The following CD109 variants were observed in gnomAD, a reference collection of about 807,000 sequenced individuals.
The protein encoded by CD109 is CD109 molecule.
Under a neutral mutation model 165.8 loss-of-function variants are expected in CD109, and 149 were observed. That is an observed-to-expected ratio of 0.90 (90% confidence interval 0.79 to 1.03). The LOEUF is 1.03. Among genes scored for constraint, CD109 ranks in the 50% least tolerant of loss-of-function variants. The probability of loss-of-function intolerance (pLI) is 0.00; values close to 1 mark genes in which losing one functional copy is unlikely to be tolerated. For synonymous variants in CD109, 585 were observed against 592.1 expected, an observed-to-expected ratio of 0.99 and a Z score of 0.18; for missense variants, 1,712 against 1,677.8, an observed-to-expected ratio of 1.02 and a Z score of -0.36.
At chr6:73,806,250 A>T (rs912778678) in intron 24 of CD109, among the ~76,000 whole-genome samples, 1 of 152,060 alleles carries the variant, frequency 6.6e-6, no homozygotes, top group African/African-American at 2.4e-5. Flanking sequence ...TTCTCAGCAA[A>T]CTATCGCAAG....
At chr6:73,693,526 T>C (rs140582145), upstream of CD109, among the ~76,000 whole-genome samples, 256 of 152,278 alleles carry the variant, frequency 1.7e-3, 1 homozygote, top group African/African-American at 6.0e-3. Context: ...GCAAACCCAA[T>C]ATCTTATTGT....
At chr6:73,760,163 T>A (rs1377489805) in intron 7 of CD109, among the ~76,000 whole-genome samples, 1 of 151,940 alleles carries the variant, frequency 6.6e-6, no homozygotes, top group Non-Finnish European at 1.5e-5. Context: ...ATCCCAGCAC[T>A]TTGGGAGGCC....
Position 73,807,004 on chromosome 6 carries a change from G to A in CD109, c.3121G>A (p.Gly1041Ser). The change falls in exon 25 of 33, where the codon GGC (glycine) becomes AGC (serine). Residue 1041 changes from glycine to serine, a missense_variant. Transcript: ENST00000287097. ...GRVIHSELQGGNKSPVTLTAY... is the reference protein window; with the variant it reads ...GRVIHSELQGSNKSPVTLTAY... ...AGTGATTCATAGTGAGCTTCAAGGT[G>A]GCAATAAAAGTCCAGTAACACTTAC... The A allele has an allele frequency of 6.2e-7, 1 of 1,613,964 alleles. No individual in the cohort carries two copies. The highest frequency in any genetic ancestry group is 8.5e-7 in the Non-Finnish European group (1 of 1,179,964).
At chr6:73,740,590 C>G (rs1582086901) in intron 5 of CD109, among the ~76,000 whole-genome samples, 2 of 137,178 alleles carry the variant, frequency 1.5e-5, no homozygotes, top group African/African-American at 2.7e-5. Context: ...TTCTAGTTTT[C>G]TTTTCTTTCT....
chr6:73,690,411 G>GTT, the CD109 span, among the ~76,000 whole-genome samples: 2 of 151,730 alleles, frequency 1.3e-5, no homozygotes, highest in African/African-American at 4.8e-5. Flanking sequence ...TTTTTTGTTT[G>GTT]TTTTTTTGAG....
At chr6:73,794,957 C>A (rs1775104730) in intron 23 of CD109, among the ~76,000 whole-genome samples, 1 of 150,654 alleles carries the variant, frequency 6.6e-6, no homozygotes, top group Non-Finnish European at 1.5e-5. Flanking sequence ...TTAAGTGGTA[C>A]CAAGTGGTCT....
chr6:73,704,966 TTCATAAATGTCCCACC>T (rs1771210596), intron 2 of CD109, among the ~76,000 whole-genome samples: 5 of 152,304 alleles, frequency 3.3e-5, no homozygotes, highest in Admixed American at 3.3e-4. Flanking sequence ...CAGATGTCCA[TTCATAAATGTCCCACC>T]TCTGCTGACA....
intron 2 of CD109, among the ~76,000 whole-genome samples, chr6:73,707,962 T>TATATA (rs1771349408): frequency 7.9e-6 from 1 of 126,820 alleles, no homozygotes; most frequent in African/African-American, 3.3e-5. Context: ...ATTGTTATCT[T>TATATA]TATATATATA....
In CD109 at chr6:73,735,382, T is replaced by C. The variant is rs1280587649; in HGVS notation, c.508-1001T>C. 3.9e-5 allele frequency among the ~76,000 whole-genome samples: 6 copies of C among 152,184 alleles called. 1 individual carries two copies. The highest frequency in any genetic ancestry group is 4.4e-5 in the Non-Finnish European group (3 of 68,024). ...TTTGCGTTTCAGATGGATCACACTG[T>C]TGGCAGTGGGGAAGATGTATTGTAG... On this transcript the variant is annotated intron_variant, in intron 4 of 32. Coordinates refer to ENST00000287097, the MANE Select transcript of CD109 (RefSeq NM_133493.5).
intron 3 of CD109, among the ~76,000 whole-genome samples, chr6:73,728,591 A>G (rs1007473085): frequency 1.3e-5 from 2 of 152,192 alleles, no homozygotes; most frequent in African/African-American, 2.4e-5. Context: ...TGTATTTCCA[A>G]GTAAATTGCA....
the CD109 span, among the ~76,000 whole-genome samples, chr6:73,687,149 A>C: frequency 0.19 from 28,911 of 152,110 alleles, 3,369 homozygotes; most frequent in Non-Finnish European, 0.25. Flanking sequence ...TCTAACATTA[A>C]TTTTACATTT....
At chr6:73,780,016 G>GT (rs34783798) in intron 15 of CD109, among the ~76,000 whole-genome samples, 335 of 138,240 alleles carry the variant, frequency 2.4e-3, no homozygotes, top group Non-Finnish European at 3.1e-3. Context: ...TGCCTCTTCA[G>GT]TTTTTTTTTT....
intron 28 of CD109, among the ~76,000 whole-genome samples, chr6:73,811,671 C>T (rs1222585119): frequency 6.6e-6 from 1 of 152,090 alleles, no homozygotes; most frequent in Non-Finnish European, 1.5e-5. Flanking sequence ...AGAATTCTTA[C>T]TTTAACTGGA....
chr6:73,820,337 C>CA, intron 31 of CD109, 124 bp from the exon 32 acceptor site: 1 of 569,038 alleles, frequency 1.8e-6, no homozygotes, highest in Non-Finnish European at 3.2e-6. Context: ...CAGTATCTGA[C>CA]ATGTAGAAAT....
intron 14 of CD109, among the ~76,000 whole-genome samples, chr6:73,768,534 T>G (rs1349810039): frequency 6.6e-6 from 1 of 152,198 alleles, no homozygotes; most frequent in African/African-American, 2.4e-5. Context: ...AGGAGTGAAA[T>G]TCCAGTGGTA....
chr6:73,721,610 C>A (rs575696711), intron 2 of CD109, among the ~76,000 whole-genome samples: 4 of 151,962 alleles, frequency 2.6e-5, no homozygotes, highest in South Asian at 2.1e-4. Context: ...ATGATCCACC[C>A]GCCTCGGCCT....
At chr6:73,781,391 A>G in intron 17 of CD109, 72 bp downstream of exon 17, 1 of 1,265,864 alleles carries the variant, frequency 7.9e-7, no homozygotes, top group Non-Finnish European at 1.1e-6. Flanking sequence ...ATAGGTATGG[A>G]TATTTTTTAG....
rs565762674 is a variant in CD109 at position 73,768,144 on chromosome 6, C to T, written c.1587C>T (p.Ala529=). 1.2e-6 allele frequency: 2 copies of T among 1,607,474 alleles called. No individual in the cohort carries two copies. The highest frequency in any genetic ancestry group is 2.2e-5 in the East Asian group (1 of 44,734). The change falls in exon 14 of 33, where the codon GCC becomes GCT. Residue 529 remains alanine (A), a synonymous_variant. Coordinates refer to ENST00000287097, the MANE Select transcript of CD109 (RefSeq NM_133493.5). Reference sequence around the variant, plus strand: ...CAGAAAATTCTTGGACTCCAAAAGCCTGTGTAATTGTGTATTATATTGAAG... The same window carrying T: ...CAGAAAATTCTTGGACTCCAAAAGCTTGTGTAATTGTGTATTATATTGAAG... ...LTPENSWTPK[A]CVIVYYIEDD...
At chr6:73,777,314 A>G (rs1774288230) in intron 15 of CD109, among the ~76,000 whole-genome samples, 1 of 151,960 alleles carries the variant, frequency 6.6e-6, no homozygotes, top group Non-Finnish European at 1.5e-5. Flanking sequence ...TAAGTTCCTT[A>G]TAGATGCTGG....
Sources: gnomAD v4.1 joint callset for allele counts (sites outside exome capture counted in the v4.1 genomes callset) on GRCh38, gnomAD v4.1.1 for gene constraint, MANE v1.5 for transcripts, NCBI Gene and HGNC (gene_info 2026-07-23, HGNC 2026-07-21) for gene names.